The following XPNPEP3 variants were observed in gnomAD, a reference collection of about 807,000 sequenced individuals.
The protein encoded by XPNPEP3 is X-prolyl aminopeptidase 3.
XPNPEP3 carries 41 observed loss-of-function variants against 60.0 expected under a neutral mutation model. That is an observed-to-expected ratio of 0.68 (90% confidence interval 0.53 to 0.89). The LOEUF is 0.89. Ranked by LOEUF, XPNPEP3 falls within the 40% of genes least tolerant of loss-of-function variation. The pLI, the probability that XPNPEP3 is intolerant of heterozygous loss-of-function variation, is 0.00. For missense variants in XPNPEP3, 598 were observed against 638.9 expected (o/e 0.94, Z 0.69); for synonymous variants, 212 against 223.2 (o/e 0.95, Z 0.45).
intron 4 of XPNPEP3, among the ~76,000 whole-genome samples, chr22:40,890,840 T>G (rs1235102892): frequency 6.6e-6 from 1 of 151,606 alleles, no homozygotes; most frequent in Non-Finnish European, 1.5e-5. Context: ...TGCACTCCAG[T>G]CTGGGTGACA....
chr22:40,920,051 G>T (rs369007392), intron 7 of XPNPEP3, among the ~76,000 whole-genome samples: 1 of 152,030 alleles, frequency 6.6e-6, no homozygotes, highest in Non-Finnish European at 1.5e-5. Context: ...CATTTGCCTC[G>T]GAAAGTAGGG....
rs1047014160 is a variant in XPNPEP3, at chr22:40,879,184, A to G, written c.182-2586A>G. 2.6e-5 allele frequency among the ~76,000 whole-genome samples: 4 copies of G among 152,288 alleles called. No homozygotes were observed. The East Asian group carries it at 7.7e-4, about 29-fold the overall frequency. The stretch of plus-strand genomic sequence containing the variant: ...CTCTTAGCCAGCTCAATCTTGAAAG[A>G]AAAAAATGTGATATGAGCTCTTCTT... On this transcript the variant is annotated intron_variant, in intron 2 of 9. Coordinates refer to ENST00000357137, the MANE Select transcript of XPNPEP3 (RefSeq NM_022098.4).
At chr22:40,916,462 T>C (rs960107891) in intron 7 of XPNPEP3, among the ~76,000 whole-genome samples, 1 of 152,178 alleles carries the variant, frequency 6.6e-6, no homozygotes, top group Non-Finnish European at 1.5e-5. Context: ...TGTGGGAAGA[T>C]GGCAGCAGCA....
rs2058254964 is a variant in XPNPEP3, at chr22:40,931,608, G to A, written c.*5173G>A. On this transcript the variant is annotated 3_prime_UTR_variant, in exon 10 of 10. Coordinates refer to ENST00000357137, the MANE Select transcript of XPNPEP3 (RefSeq NM_022098.4). ...TTGCACCTATAGTCCCAGCTACTCA[G>A]GAGGCTGAGGTGGGAGGATCGCTTG... The A allele has an allele frequency of 6.6e-6, 1 of 152,236 alleles. No individual in the cohort carries two copies. Among genetic ancestry groups the A allele is most frequent in the Non-Finnish European group, 1.5e-5 (1 of 68,122 alleles). 9.4% of individuals were successfully genotyped at this position (152,236 alleles called of 1,614,324 possible). A position where few individuals can be genotyped will look rare whatever the true frequency, so the allele number is the denominator to read the frequency against.
chr22:40,922,245 C>G (rs2058219158), intron 7 of XPNPEP3, 88 bp from the exon 8 acceptor site: 4 of 1,504,088 alleles, frequency 2.7e-6, no homozygotes, highest in Middle Eastern at 3.5e-4. Context: ...ACAGCAGCAT[C>G]TTGGGGTTTT....
chr22:40,890,605 G>A (rs975164846), intron 4 of XPNPEP3, among the ~76,000 whole-genome samples: 3 of 151,716 alleles, frequency 2.0e-5, no homozygotes, highest in African/African-American at 7.3e-5. Flanking sequence ...AGTGGCTCAC[G>A]CCTATAATCC....
At chr22:40,895,906 A>C (rs1271998042) in intron 4 of XPNPEP3, among the ~76,000 whole-genome samples, 1 of 152,102 alleles carries the variant, frequency 6.6e-6, no homozygotes, top group South Asian at 2.1e-4. Flanking sequence ...CCTCCAGGCC[A>C]TTTTACTCAC....
intron 4 of XPNPEP3, among the ~76,000 whole-genome samples, chr22:40,896,969 A>G (rs965985983): frequency 1.3e-5 from 2 of 151,410 alleles, no homozygotes; most frequent in Admixed American, 1.3e-4. Context: ...ATTTTTCAGA[A>G]TGACATTCCT....
At chr22:40,925,990 A>C (rs756913851) in intron 9 of XPNPEP3, among the ~76,000 whole-genome samples, 1 of 152,182 alleles carries the variant, frequency 6.6e-6, no homozygotes, top group Non-Finnish European at 1.5e-5. Context: ...AATATGACAG[A>C]ATCATGATCA....
chr22:40,900,119 C>A (rs2058125975), intron 4 of XPNPEP3, among the ~76,000 whole-genome samples: 1 of 151,766 alleles, frequency 6.6e-6, no homozygotes, highest in African/African-American at 2.4e-5. Context: ...CTTAAGAGCT[C>A]AAATTATAAA....
intron 2 of XPNPEP3, among the ~76,000 whole-genome samples, chr22:40,872,040 A>C (rs923320879): frequency 1.3e-5 from 2 of 152,166 alleles, no homozygotes; most frequent in African/African-American, 4.8e-5. Flanking sequence ...CTCAAAAACA[A>C]AAACAAAAGT....
chr22:40,874,751 C>T (rs185831546), intron 2 of XPNPEP3, among the ~76,000 whole-genome samples: 20 of 152,184 alleles, frequency 1.3e-4, no homozygotes, highest in African/African-American at 4.8e-4. Flanking sequence ...AAGAGCTCCC[C>T]GGGCGTTTCT....
At chr22:40,912,110 A>G (rs1367458250) in intron 6 of XPNPEP3, among the ~76,000 whole-genome samples, 2 of 152,166 alleles carry the variant, frequency 1.3e-5, no homozygotes, top group Non-Finnish European at 2.9e-5. Flanking sequence ...TATTTATGTT[A>G]ACATGTAATG....
intron 9 of XPNPEP3, among the ~76,000 whole-genome samples, chr22:40,925,692 A>G (rs2058232293): frequency 1.3e-5 from 2 of 152,170 alleles, no homozygotes; most frequent in South Asian, 4.1e-4. Flanking sequence ...CATTTTTCCA[A>G]ATGTACATTA....
At chr22:40,875,109 C>T (rs1249867617) in intron 2 of XPNPEP3, among the ~76,000 whole-genome samples, 2 of 152,054 alleles carry the variant, frequency 1.3e-5, no homozygotes, top group Non-Finnish European at 2.9e-5. Context: ...ACCATGAAGC[C>T]CACCTGTTTT....
At chr22:40,874,025 C>CT (rs996129916) in intron 2 of XPNPEP3, among the ~76,000 whole-genome samples, 2 of 151,914 alleles carry the variant, frequency 1.3e-5, no homozygotes, top group African/African-American at 4.8e-5. Context: ...ATTTTTAAAA[C>CT]TTGTTAAATA....
chr22:40,901,471 G>T (rs1008356867), intron 4 of XPNPEP3, among the ~76,000 whole-genome samples: 2 of 152,094 alleles, frequency 1.3e-5, no homozygotes, highest in African/African-American at 4.8e-5. Context: ...CCGAACTCAG[G>T]TGATCCACCC....
chr22:40,911,367 T>A (rs2058176537), intron 6 of XPNPEP3, among the ~76,000 whole-genome samples: 1 of 152,154 alleles, frequency 6.6e-6, no homozygotes, highest in Non-Finnish European at 1.5e-5. Context: ...AAGGTCAAAC[T>A]AAGCTCAGAA....
At chr22:40,907,012 T>G (rs1569028496) in intron 4 of XPNPEP3, 1 of 455,734 alleles carries the variant, frequency 2.2e-6, no homozygotes, top group Non-Finnish European at 4.4e-6. Context: ...GCCCTCGTGA[T>G]TTAATCACTA....
Sources: gnomAD v4.1 joint callset for allele counts (sites outside exome capture counted in the v4.1 genomes callset) on GRCh38, gnomAD v4.1.1 for gene constraint, MANE v1.5 for transcripts, NCBI Gene and HGNC (gene_info 2026-07-23, HGNC 2026-07-21) for gene names.